The following MTMR10 variants were observed in gnomAD, a reference collection of about 807,000 sequenced individuals.
MTMR10 encodes the protein myotubularin-related protein 10.
MTMR10 carries 56 observed loss-of-function variants against 88.1 expected under a neutral mutation model. That is an observed-to-expected ratio of 0.64 (90% CI 0.51 to 0.79). MTMR10 has a LOEUF of 0.79. Ranked by LOEUF, MTMR10 falls within the 30% of genes least tolerant of loss-of-function variation. MTMR10 has a pLI of 0.00. For synonymous variants in MTMR10, 380 were observed against 340.9 expected (o/e 1.11, Z -1.26); for missense variants, 883 against 924.7 (o/e 0.95, Z 0.58).
At chr15:30,950,720 A>G (rs947441732) in intron 12 of MTMR10, among the ~76,000 whole-genome samples, 1 of 152,116 alleles carries the variant, frequency 6.6e-6, no homozygotes, top group African/African-American at 2.4e-5. Context: ...TTGTATTCAT[A>G]TACTATGCAA....
In MTMR10 at chr15:30,973,277, C is replaced by T. The variant is rs2063558621; in HGVS notation, c.474+1037G>A. Reference sequence around the variant, plus strand: ...TATACAGACCATTTGAAAACTTTTACCCATAGAGGAGCCTACAACCACTCT... The same window carrying T: ...TATACAGACCATTTGAAAACTTTTATCCATAGAGGAGCCTACAACCACTCT... On this transcript the variant is annotated intron_variant, in intron 5 of 15. Coordinates refer to ENST00000435680, the MANE Select transcript of MTMR10 (RefSeq NM_017762.3). Among the ~76,000 whole-genome samples, 2 of 152,138 alleles carry T rather than the reference C, an allele frequency of 1.3e-5. 1 individual carries two copies.
At chr15:30,955,511 T>A (rs548047894) in intron 9 of MTMR10, among the ~76,000 whole-genome samples, 2 of 152,074 alleles carry the variant, frequency 1.3e-5, no homozygotes, top group African/African-American at 4.8e-5. Flanking sequence ...ACCTTGTGAT[T>A]CACCCCCCTT....
chr15:30,963,692 G>GATAGATAGATAA (rs545981570), intron 6 of MTMR10, among the ~76,000 whole-genome samples: 29,374 of 151,002 alleles, frequency 0.19, 3,860 homozygotes, highest in Non-Finnish European at 0.29. Context: ...TAGATAGATA[G>GATAGATAGATAA]TAAAATGCTC....
chr15:30,934,758 G>A (rs769013623), downstream of MTMR10, among the ~76,000 whole-genome samples: 1 of 152,096 alleles, frequency 6.6e-6, no homozygotes, highest in Non-Finnish European at 1.5e-5. Flanking sequence ...AAGTGGTTGC[G>A]TTAGTATATT....
intron 9 of MTMR10, among the ~76,000 whole-genome samples, chr15:30,955,254 A>AG (rs1488226228): frequency 6.6e-6 from 1 of 152,268 alleles, no homozygotes; most frequent in African/African-American, 2.4e-5. Flanking sequence ...TGCAGTGCAC[A>AG]GAACAAATTA....
Position 30,941,363 on chromosome 15 carries a change from A to C in MTMR10, c.*107T>G. On this transcript the variant is annotated 3_prime_UTR_variant, in exon 16 of 16. Transcript: ENST00000435680. The stretch of plus-strand genomic sequence containing the variant: ...AATATTAGTGCAAATTCCAACTATT[A>C]TTCTTACATATAAAGTTATTAGAGA... 1 of 1,538,060 alleles carries C rather than the reference A, an allele frequency of 6.5e-7. No homozygotes were observed.
the MTMR10 span, chr15:30,928,496 A>G: frequency 6.8e-7 from 1 of 1,479,306 alleles, no homozygotes; most frequent in Non-Finnish European, 9.0e-7. Context: ...AGAAACAGAT[A>G]AAACAGATTT....
chr15:30,942,246 C>CATAAAAAAGTGTAA, intron 15 of MTMR10, 174 bp from the exon 16 acceptor site: 1 of 815,400 alleles, frequency 1.2e-6, no homozygotes, highest in Non-Finnish European at 1.9e-6. Context: ...TGGAATTACA[C>CATAAAAAAGTGTAA]TTTTTTATGT....
At chr15:30,955,412 A>C (rs2063309695) in intron 9 of MTMR10, among the ~76,000 whole-genome samples, 1 of 152,128 alleles carries the variant, frequency 6.6e-6, no homozygotes, top group Admixed American at 6.5e-5. Context: ...TTGGGATTAC[A>C]GGCACCCGCC....
Position 30,945,945 on chromosome 15 carries a change from T to C in MTMR10, c.1548+1185A>G, listed in dbSNP as rs545013046. On this transcript the variant is annotated intron_variant, in intron 14 of 15. Transcript: ENST00000435680. ...CTGGGACCACAGGTGCGCACCACCATGTCTGGCTAATTTTTGTATTTTTTG... is the reference window on the plus strand; with the variant it reads ...CTGGGACCACAGGTGCGCACCACCACGTCTGGCTAATTTTTGTATTTTTTG... Among the ~76,000 whole-genome samples, 442 of 152,282 alleles carry C rather than the reference T, an allele frequency of 2.9e-3. 5 individuals carry two copies. The highest frequency in any genetic ancestry group is 9.9e-3 in the African/African-American group (412 of 41,564).
chr15:30,935,383 C>T (rs142973487), downstream of MTMR10, among the ~76,000 whole-genome samples: 34 of 152,148 alleles, frequency 2.2e-4, no homozygotes, highest in South Asian at 1.0e-3. Flanking sequence ...CAGTAGTTAG[C>T]CCTCTGTATC....
At position 30,963,798 on chromosome 15, in the gene MTMR10, G is replaced by C. The variant is rs147248971; in HGVS notation, c.566-2725C>G. ...TGTCTGTGAGAAGGAAGACTTAGGA[G>C]TTATGATCTCTCCAGAACACAAAAC... is the stretch of plus-strand genomic sequence containing the variant. On this transcript the variant is annotated intron_variant, in intron 6 of 15. Transcript: ENST00000435680. Among the ~76,000 whole-genome samples the C allele has an allele frequency of 5.9e-5, 9 of 152,286 alleles. No homozygotes were observed. In the East Asian group the frequency reaches 1.7e-3, roughly 29 times the overall value.
chr15:30,920,661 C>T, the MTMR10 span: 3 of 1,516,818 alleles, frequency 2.0e-6, no homozygotes, highest in Middle Eastern at 3.4e-4. Flanking sequence ...GAGGTTAGAG[C>T]ACAGGTCCCT....
At chr15:30,979,022 T>C (rs2030365285) in intron 2 of MTMR10, among the ~76,000 whole-genome samples, 1 of 152,140 alleles carries the variant, frequency 6.6e-6, no homozygotes, top group Admixed American at 6.5e-5. Flanking sequence ...ACTCAACCCT[T>C]TCTCCTCTCC....
At position 30,939,718 on chromosome 15, in the gene MTMR10, A is replaced by AT; in HGVS notation, c.*1751dup. 5.1e-6 allele frequency: 5 copies of AT among 977,028 alleles called. No homozygotes were observed. The highest frequency in any genetic ancestry group is 6.1e-6 in the Non-Finnish European group (5 of 822,250). 60.5% of individuals were successfully genotyped at this position (977,028 alleles called of 1,614,324 possible). A position where few individuals can be genotyped will look rare whatever the true frequency, so the allele number is the denominator to read the frequency against. On this transcript the variant is annotated 3_prime_UTR_variant, in exon 16 of 16. Transcript: ENST00000435680. ...AATGCTCAATCCAAAACATTTAGTA[A>AT]TAATAAAAAAGCAGCTAAATGAAAA... is the stretch of plus-strand genomic sequence containing the variant.
rs1275399874 is a variant in MTMR10, at chr15:30,960,882, A to G, written c.757T>C (p.Cys253Arg). ...SINEGYMIST[C>R]LPEYIVVPSS... ...TAACATTGCTAAAATTGTACTTACC[A>G]AGTGGATATCATGTAACCCTCGTTA... Residue 253 changes from cysteine to arginine, a missense_variant and splice_region_variant, in exon 7 of 16, where the codon TGC becomes CGC. By Grantham distance (180) the Cys-to-Arg change is radical (BLOSUM62 -3). Coordinates refer to ENST00000435680, the MANE Select transcript of MTMR10 (RefSeq NM_017762.3). The G allele has an allele frequency of 6.3e-7, 1 of 1,593,326 alleles. No individual in the cohort carries two copies. Among genetic ancestry groups the G allele is most frequent in the South Asian group, 1.1e-5 (1 of 89,402 alleles).
At position 30,941,908 on chromosome 15, in the gene MTMR10, T is replaced by G; in HGVS notation, c.1896A>C (p.Arg632Ser). Residue 632 changes from arginine to serine, a missense_variant, in exon 16 of 16, where the codon AGA (arginine) becomes AGC (serine). Transcript: ENST00000435680. ...GGTTGGCGGGTTTGGAAAACCATTC[T>G]CTAAAATACTGCTCCGTATCACTGT... ...SQNSDTEQYF[R>S]EWFSKPANLH... 1 of 1,614,030 alleles carries G rather than the reference T, an allele frequency of 6.2e-7. No homozygotes were observed. The highest frequency in any genetic ancestry group is 1.7e-5 in the Admixed American group (1 of 60,026).
At chr15:30,958,524 C>T (rs1320213736) in intron 9 of MTMR10, among the ~76,000 whole-genome samples, 1 of 152,208 alleles carries the variant, frequency 6.6e-6, no homozygotes, top group African/African-American at 2.4e-5. Context: ...AAATAAGACA[C>T]ATCAAACTAC....
chr15:30,947,653 T>C lies in MTMR10; in HGVS notation c.1378-353A>G, dbSNP rs79450941. Among the ~76,000 whole-genome samples the C allele has an allele frequency of 5.0e-3, 766 of 152,232 alleles. 6 individuals are homozygous for C. Among genetic ancestry groups the C allele is most frequent in the African/African-American group, 0.018 (729 of 41,534 alleles). The stretch of plus-strand genomic sequence containing the variant: ...ACAAAACAAAACCATCAACCAAACT[T>C]CTCTAATGTTTGGTTGATCCTGTAG... On this transcript the variant is annotated intron_variant, in intron 13 of 15. Coordinates refer to ENST00000435680, the MANE Select transcript of MTMR10 (RefSeq NM_017762.3).
Sources: gnomAD v4.1 joint callset for allele counts (sites outside exome capture counted in the v4.1 genomes callset) on GRCh38, gnomAD v4.1.1 for gene constraint, MANE v1.5 for transcripts, NCBI Gene and HGNC (gene_info 2026-07-23, HGNC 2026-07-21) for gene names.